The following POU2F1 variants were observed in gnomAD, a reference collection of about 807,000 sequenced individuals.
POU2F1 encodes POU domain, class 2, transcription factor 1.
POU2F1 carries 16 observed loss-of-function variants against 84.9 expected under a neutral mutation model. The observed-to-expected ratio is 0.19, with a 90% CI of 0.13 to 0.29. POU2F1 has a LOEUF of 0.29. Ranked by LOEUF, POU2F1 falls within the 10% of genes least tolerant of loss-of-function variation. The pLI is 1.00. For missense variants in POU2F1, 738 were observed against 942.6 expected (o/e 0.78, Z 2.84); for synonymous variants, 368 against 368.3 (o/e 1.00, Z 0.01).
chr1:167,233,634 A>G (rs1165372686), intron 1 of POU2F1, among the ~76,000 whole-genome samples: 1 of 152,248 alleles, frequency 6.6e-6, no homozygotes, highest in African/African-American at 2.4e-5. Context: ...ATCTAATGAC[A>G]TAGCATCGTT....
At chr1:167,401,343 A>G (rs1649193702) in intron 12 of POU2F1, 108 bp from the exon 13 acceptor site, 1 of 639,874 alleles carries the variant, frequency 1.6e-6, no homozygotes, top group East Asian at 3.0e-5. Flanking sequence ...TTTCCAACAT[A>G]GGATGTCAGG....
rs150074940 is a variant in POU2F1 at position 167,281,596 on chromosome 1, C to T, written c.62-50874C>T. Among the ~76,000 whole-genome samples, 101 of 152,224 alleles carry T rather than the reference C, an allele frequency of 6.6e-4. No individual in the cohort carries two copies. The East Asian group carries it at 7.9e-3, about 12-fold the overall frequency. On this transcript the variant is annotated intron_variant, in intron 1 of 15. Coordinates refer to ENST00000367866, the MANE Select transcript of POU2F1 (RefSeq NM_002697.4). ...AGAAACAGCTGGATTGGTTACAGCT[C>T]AGCATTTGCCTCATTTGAACATGGT...
intron 1 of POU2F1, among the ~76,000 whole-genome samples, chr1:167,272,001 A>G (rs1377543089): frequency 6.6e-6 from 1 of 152,178 alleles, no homozygotes; most frequent in Non-Finnish European, 1.5e-5. Flanking sequence ...TGTCTCTGTA[A>G]TATCTATAGC....
intron 2 of POU2F1, among the ~76,000 whole-genome samples, chr1:167,350,097 A>G (rs1316294795): frequency 6.6e-6 from 1 of 152,202 alleles, no homozygotes; most frequent in Non-Finnish European, 1.5e-5. Flanking sequence ...TTAATAAGAA[A>G]AGATTACATA....
chr1:167,413,521 T>C lies in POU2F1; in HGVS notation c.1990+407T>C, dbSNP rs1650112634. On this transcript the variant is annotated intron_variant, in intron 15 of 15. Coordinates refer to ENST00000367866, the MANE Select transcript of POU2F1 (RefSeq NM_002697.4). ...AAGACTCTCCAGTTCCCAGCTGCACTCCTGAGAAAGCTGTGCATGGGAAAG... is the reference window on the plus strand; with the variant it reads ...AAGACTCTCCAGTTCCCAGCTGCACCCCTGAGAAAGCTGTGCATGGGAAAG... Among the ~76,000 whole-genome samples, 3 of 152,168 alleles carry C rather than the reference T, an allele frequency of 2.0e-5. No homozygotes were observed. In the South Asian group the frequency reaches 6.2e-4, roughly 32 times the overall value.
intron 1 of POU2F1, among the ~76,000 whole-genome samples, chr1:167,243,262 G>T (rs968678383): frequency 6.6e-6 from 1 of 152,162 alleles, no homozygotes; most frequent in African/African-American, 2.4e-5. Context: ...ATTGTTTTAG[G>T]CACTTAAGAA....
intron 2 of POU2F1, among the ~76,000 whole-genome samples, chr1:167,356,372 T>C (rs778586576): frequency 1.3e-4 from 20 of 152,026 alleles, no homozygotes; most frequent in Non-Finnish European, 2.4e-4. Flanking sequence ...TAATAAATTA[T>C]TAGATTCCTT....
chr1:167,338,425 A>G (rs1473623544), intron 2 of POU2F1, among the ~76,000 whole-genome samples: 1 of 152,196 alleles, frequency 6.6e-6, no homozygotes, highest in Non-Finnish European at 1.5e-5. Context: ...GTCAGATGTT[A>G]CATGCAGATT....
intron 13 of POU2F1, among the ~76,000 whole-genome samples, chr1:167,403,663 A>C (rs1649359563): frequency 6.6e-6 from 1 of 152,176 alleles, no homozygotes; most frequent in Non-Finnish European, 1.5e-5. Flanking sequence ...TAATCATACA[A>C]CTTATGTAAT....
At chr1:167,389,816 T>C (rs1648262792) in intron 9 of POU2F1, 55 bp downstream of exon 9, 2 of 1,553,016 alleles carry the variant, frequency 1.3e-6, no homozygotes, top group Non-Finnish European at 1.8e-6. Context: ...CCAAATACAG[T>C]TGGCTCTCTG....
At position 167,411,991 on chromosome 1, in the gene POU2F1, A is replaced by G; in HGVS notation, c.1588A>G (p.Thr530Ala). ...TSDTTSNNTA[T>A]VISTAPPASS... Reference sequence around the variant, plus strand: ...AGACACCACCTCCAACAACACAGCAACCGTGATTTCCACAGCGCCTCCAGC... The same window carrying G: ...AGACACCACCTCCAACAACACAGCAGCCGTGATTTCCACAGCGCCTCCAGC... The change falls in exon 14 of 16, where the codon ACC becomes GCC. Residue 530 changes from threonine to alanine, a missense_variant. By Grantham distance (58) the Thr-to-Ala change is moderately conservative. Around this residue, in one of 4 missense-constraint regions of POU2F1, gnomAD observed 319 missense variants for 386.0 expected, o/e 0.83. Transcript: ENST00000367866. 1 of 1,613,896 alleles carries G rather than the reference A, an allele frequency of 6.2e-7. No individual in the cohort carries two copies. Among genetic ancestry groups the G allele is most frequent in the Non-Finnish European group, 8.5e-7 (1 of 1,179,846 alleles).
chr1:167,412,335 G>A, intron 14 of POU2F1, 31 bp downstream of exon 14: 1 of 1,484,924 alleles, frequency 6.7e-7, no homozygotes, highest in Non-Finnish European at 9.1e-7. Flanking sequence ...ATTCACGTCT[G>A]AGGTGGAGGT....
intron 1 of POU2F1, among the ~76,000 whole-genome samples, chr1:167,242,278 AAAT>A (rs1468097145): frequency 1.4e-4 from 22 of 152,226 alleles, no homozygotes; most frequent in African/African-American, 5.3e-4. Flanking sequence ...GACAGTCAAA[AAAT>A]AAATGCCATG....
chr1:167,272,321 A>G (rs1290077567), intron 1 of POU2F1, among the ~76,000 whole-genome samples: 3 of 143,418 alleles, frequency 2.1e-5, no homozygotes, highest in Admixed American at 6.9e-5. Flanking sequence ...TTTTTTGACA[A>G]TGCCCCCTTT....
At chr1:167,320,932 A>G (rs1278380610) in intron 1 of POU2F1, among the ~76,000 whole-genome samples, 1 of 152,170 alleles carries the variant, frequency 6.6e-6, no homozygotes, top group Non-Finnish European at 1.5e-5. Context: ...TGTCCAATTA[A>G]TGTCCCCTAG....
intron 1 of POU2F1, among the ~76,000 whole-genome samples, chr1:167,229,391 T>G (rs1428814971): frequency 6.6e-6 from 1 of 152,132 alleles, no homozygotes; most frequent in Non-Finnish European, 1.5e-5. Flanking sequence ...TGGGTCTTAT[T>G]GGGTTGTAGA....
At chr1:167,405,584 A>G (rs1363766187) in intron 13 of POU2F1, among the ~76,000 whole-genome samples, 1 of 151,808 alleles carries the variant, frequency 6.6e-6, no homozygotes, top group Non-Finnish European at 1.5e-5. Context: ...GCTGCTCGGG[A>G]GGCTGAGGTG....
intron 1 of POU2F1, among the ~76,000 whole-genome samples, chr1:167,316,523 C>T (rs1416255230): frequency 6.6e-6 from 1 of 152,016 alleles, no homozygotes; most frequent in Non-Finnish European, 1.5e-5. Context: ...TTAGACAGAT[C>T]GAGGTTAATG....
chr1:167,372,963 T>C (rs1660104946), intron 5 of POU2F1, among the ~76,000 whole-genome samples: 1 of 152,078 alleles, frequency 6.6e-6, no homozygotes, highest in South Asian at 2.1e-4. Flanking sequence ...TTTTCCCAGT[T>C]AAGTGTGTTT....
Sources: gnomAD v4.1 joint callset for allele counts (sites outside exome capture counted in the v4.1 genomes callset) on GRCh38, gnomAD v4.1.1 for gene constraint, gnomAD v4.1.1 regional missense constraint, MANE v1.5 for transcripts, NCBI Gene and HGNC (gene_info 2026-07-23, HGNC 2026-07-21) for gene names.